Variants in FERMT1 observed in about 807,000 individuals in gnomAD.
FERMT1 encodes fermitin family homolog 1.
In FERMT1, 60 loss-of-function variants were observed where a neutral mutation model predicts 85.3. The ratio of observed to expected loss-of-function variants is 0.70; its 90% CI spans 0.57 to 0.87. The LOEUF (loss-of-function observed/expected upper bound fraction) is 0.87, where lower values mean the gene tolerates loss of function less well. Among genes scored for constraint, FERMT1 ranks in the 40% least tolerant of loss-of-function variants. The pLI, the probability that FERMT1 is intolerant of heterozygous loss-of-function variation, is 0.00. For missense variants in FERMT1, 701 were observed against 818.9 expected, an observed-to-expected ratio of 0.86 and a Z score of 1.76; for synonymous variants, 275 against 301.1, an observed-to-expected ratio of 0.91 and a Z score of 0.90.
chr20:6,102,606 G>T (rs58818518), intron 6 of FERMT1, among the ~76,000 whole-genome samples: 19,318 of 149,592 alleles, frequency 0.13, 1,650 homozygotes, highest in African/African-American at 0.25. Flanking sequence ...GAACCTGGGA[G>T]GCAGAGGTTG....
chr20:6,076,963 CAAG>C lies in FERMT1; in HGVS notation c.*207_*209del. ...CTGCCTACCCATTTTATAGAAAAAA[CAAG>C]AGAGGCTCCTTCCGTGGCTGGTAGC... is the stretch of plus-strand genomic sequence containing the variant. On this transcript the variant is annotated 3_prime_UTR_variant, in exon 15 of 15. Coordinates refer to ENST00000217289, the MANE Select transcript of FERMT1 (RefSeq NM_017671.5). The C allele has an allele frequency of 1.7e-6, 1 of 593,784 alleles. No individual in the cohort carries two copies. The highest frequency in any genetic ancestry group is 3.0e-6 in the Non-Finnish European group (1 of 334,072). The allele number at this position is 593,784 out of a possible 1,614,324, so 36.8% of individuals were successfully genotyped here. A position where few individuals can be genotyped will look rare whatever the true frequency, so the allele number is the denominator to read the frequency against.
chr20:6,109,286 A>G (rs1982880388), intron 5 of FERMT1, among the ~76,000 whole-genome samples: 1 of 152,160 alleles, frequency 6.6e-6, no homozygotes, highest in Non-Finnish European at 1.5e-5. Flanking sequence ...GTAATACTTG[A>G]GCAGGAGACA....
intron 2 of FERMT1, among the ~76,000 whole-genome samples, chr20:6,118,197 T>C (rs1378317564): frequency 6.6e-6 from 1 of 152,244 alleles, no homozygotes; most frequent in Non-Finnish European, 1.5e-5. Context: ...TGGAATATTA[T>C]ATGGTAATGA....
intron 2 of FERMT1, 83 bp downstream of exon 2, chr20:6,119,321 A>G: frequency 7.4e-7 from 1 of 1,345,136 alleles, no homozygotes; most frequent in South Asian, 1.2e-5. Flanking sequence ...ATAAATGATC[A>G]GAAAAACCTA....
chr20:6,077,402 A>C, intron 14 of FERMT1, 56 bp from the exon 15 acceptor site: 1 of 1,601,532 alleles, frequency 6.2e-7, no homozygotes, highest in Non-Finnish European at 8.5e-7. Flanking sequence ...ATGAAAAAAA[A>C]AGTGCTTTGC....
At chr20:6,077,395 A>T (rs1600421195) in intron 14 of FERMT1, 49 bp from the exon 15 acceptor site, 1 of 1,119,228 alleles carries the variant, frequency 8.9e-7, no homozygotes, top group African/African-American at 2.5e-5. Context: ...AGGAATGATG[A>T]AAAAAAAAGT....
intron 6 of FERMT1, among the ~76,000 whole-genome samples, chr20:6,102,682 A>G (rs1982691782): frequency 8.2e-6 from 1 of 121,662 alleles, no homozygotes; most frequent in Non-Finnish European, 1.8e-5. Context: ...GTCTCAAGAA[A>G]AAAAAAAAAA....
At chr20:6,088,817 T>G in intron 10 of FERMT1, 148 bp downstream of exon 10, 1 of 668,914 alleles carries the variant, frequency 1.5e-6, no homozygotes, top group Non-Finnish European at 2.6e-6. Context: ...AGAGATGGGG[T>G]TTCACCATCT....
In FERMT1 at chr20:6,084,035, A is replaced by G; in HGVS notation, c.1718+5T>C. 1 of 1,614,194 alleles carries G rather than the reference A, an allele frequency of 6.2e-7. No homozygotes were observed. Among genetic ancestry groups the G allele is most frequent in the Non-Finnish European group, 8.5e-7 (1 of 1,180,028 alleles). ...GTGTGAGAAACAAGTGAACATTGTA[A>G]TCACCTGACAAGGTAGTAGGTGAGG... On this transcript the variant is annotated splice_donor_5th_base_variant and intron_variant, in intron 13 of 14. Coordinates refer to ENST00000217289, the MANE Select transcript of FERMT1 (RefSeq NM_017671.5).
Position 6,082,070 on chromosome 20 carries a change from G to A in FERMT1, c.1718+1970C>T, listed in dbSNP as rs1439155382. Among the ~76,000 whole-genome samples the A allele has an allele frequency of 2.0e-5, 3 of 152,152 alleles. No individual in the cohort carries two copies. The East Asian group carries it at 5.8e-4, about 29-fold the overall frequency. The stretch of plus-strand genomic sequence containing the variant: ...CCGCCAGACATCCTACACACAGCAT[G>A]GCTGCTCCAGGCTTTGACTCTGACT... On this transcript the variant is annotated intron_variant, in intron 13 of 14. Coordinates refer to ENST00000217289, the MANE Select transcript of FERMT1 (RefSeq NM_017671.5).
In FERMT1 at chr20:6,104,539, G is replaced by C. The variant is rs1982748327; in HGVS notation, c.849+2993C>G. Among the ~76,000 whole-genome samples, 1 of 152,188 alleles carries C rather than the reference G, an allele frequency of 6.6e-6. No individual in the cohort carries two copies. The highest frequency in any genetic ancestry group is 2.4e-5 in the African/African-American group (1 of 41,440). ...TGCCATAAGTACTAAAGTGGTTGAGGATCACAGTGTCCTCCAATGCCATGT... is the reference window on the plus strand; with the variant it reads ...TGCCATAAGTACTAAAGTGGTTGAGCATCACAGTGTCCTCCAATGCCATGT... On this transcript the variant is annotated intron_variant, in intron 6 of 14. Transcript: ENST00000217289. The surrounding 1 kb of genome is among the most constrained non-coding windows in gnomAD (Gnocchi z 4.2).
intron 6 of FERMT1, among the ~76,000 whole-genome samples, chr20:6,099,426 A>G (rs538806842): frequency 6.6e-6 from 1 of 151,870 alleles, no homozygotes; most frequent in Non-Finnish European, 1.5e-5. Context: ...AAAAGGAATT[A>G]AATTCTGATA....
At chr20:6,101,727 A>G (rs1405223634) in intron 6 of FERMT1, among the ~76,000 whole-genome samples, 2 of 152,176 alleles carry the variant, frequency 1.3e-5, no homozygotes, top group Non-Finnish European at 2.9e-5. Flanking sequence ...ATCTCAGCTC[A>G]CTGCAACCTC....
chr20:6,119,424 A>G lies in FERMT1; in HGVS notation c.131T>C (p.Leu44Pro). The G allele has an allele frequency of 6.2e-7, 1 of 1,614,130 alleles. No homozygotes were observed. Among genetic ancestry groups the G allele is most frequent in the Non-Finnish European group, 8.5e-7 (1 of 1,179,994 alleles). Residue 44 changes from leucine (L) to proline (P), a missense_variant, in exon 2 of 15, where the codon CTC (leucine) becomes CCC (proline). Leu to Pro is a moderately conservative substitution (Grantham distance 98, BLOSUM62 -3). Coordinates refer to ENST00000217289, the MANE Select transcript of FERMT1 (RefSeq NM_017671.5). The stretch of plus-strand genomic sequence containing the variant: ...CTTACTGATCTGTTCTACTAACTTG[A>G]GCATCACTCCTCCAACATGAAGGTC... ...SGDLHVGGVMLKLVEQINISQ... is the reference protein window; with the variant it reads ...SGDLHVGGVMPKLVEQINISQ...
Position 6,084,024 on chromosome 20 carries a change from T to G in FERMT1, c.1718+16A>C, listed in dbSNP as rs1198825248. The stretch of plus-strand genomic sequence containing the variant: ...TTGAATGGAAAGTGTGAGAAACAAG[T>G]GAACATTGTAATCACCTGACAAGGT... On this transcript the variant is annotated intron_variant, in intron 13 of 14. Coordinates refer to ENST00000217289, the MANE Select transcript of FERMT1 (RefSeq NM_017671.5). The G allele has an allele frequency of 5.0e-6, 8 of 1,614,098 alleles. No homozygotes were observed. Among genetic ancestry groups the G allele is most frequent in the African/African-American group, 1.3e-5 (1 of 75,054 alleles).
intron 6 of FERMT1, among the ~76,000 whole-genome samples, chr20:6,100,356 A>G (rs4813790): frequency 0.078 from 11,805 of 152,258 alleles, 1,035 homozygotes; most frequent in East Asian, 0.47. Context: ...AAAGTACCAC[A>G]TTTTGTGTAA....
At chr20:6,083,925 A>G in intron 13 of FERMT1, 115 bp downstream of exon 13, 3 of 1,226,964 alleles carry the variant, frequency 2.4e-6, no homozygotes, top group Non-Finnish European at 3.5e-6. Context: ...TAAAAGGGCA[A>G]TATTCTCAAA....
rs1981839308 is a variant in FERMT1, at chr20:6,076,897, A to G, written c.*276T>C. On this transcript the variant is annotated 3_prime_UTR_variant, in exon 15 of 15. Transcript: ENST00000217289. ...CTGCAAGTCAGAGAACTGTAACCACATGCTGGGCCTTAGAGCAATCTTAGG... is the reference window on the plus strand; with the variant it reads ...CTGCAAGTCAGAGAACTGTAACCACGTGCTGGGCCTTAGAGCAATCTTAGG... 1 of 505,558 alleles carries G rather than the reference A, an allele frequency of 2.0e-6. No homozygotes were observed. Among genetic ancestry groups the G allele is most frequent in the African/African-American group, 1.9e-5 (1 of 52,002 alleles). The allele number at this position is 505,558 out of a possible 1,614,324, so 31.3% of individuals were successfully genotyped here. A position where few individuals can be genotyped will look rare whatever the true frequency, so the allele number is the denominator to read the frequency against.
At chr20:6,118,999 G>A (rs62200497) in intron 2 of FERMT1, among the ~76,000 whole-genome samples, 16,800 of 150,998 alleles carry the variant, frequency 0.11, 1,044 homozygotes, top group African/African-American at 0.17. Context: ...CCAAGCTGGA[G>A]TGCAGTGGCA....
Sources: allele counts gnomAD v4.1 joint callset (sites outside exome capture counted in the v4.1 genomes callset), GRCh38; gene constraint gnomAD v4.1.1; non-coding constraint Gnocchi (gnomAD v3.1); transcripts MANE v1.5; gene names NCBI Gene and HGNC (gene_info 2026-07-23, HGNC 2026-07-21).